The following ACLY variants were observed in gnomAD, a reference collection of about 807,000 sequenced individuals.
ACLY encodes ATP-citrate synthase.
In ACLY, 41 loss-of-function variants were observed where a neutral mutation model predicts 133.0. The ratio of observed to expected loss-of-function variants is 0.31; its 90% CI spans 0.24 to 0.40. The LOEUF (loss-of-function observed/expected upper bound fraction) is 0.40, where lower values mean the gene tolerates loss of function less well. Among genes scored for constraint, ACLY ranks in the 10% least tolerant of loss-of-function variants. The pLI, the probability that ACLY is intolerant of heterozygous loss-of-function variation, is 1.00. For synonymous variants in ACLY, 495 were observed against 549.3 expected (o/e 0.90, Z 1.38); for missense variants, 1,046 against 1,453.8 (o/e 0.72, Z 4.56).
At chr17:41,922,145 G>A (rs1041529487), upstream of ACLY, among the ~76,000 whole-genome samples, 14 of 152,140 alleles carry the variant, frequency 9.2e-5, no homozygotes, top group Non-Finnish European at 1.0e-4. Context: ...TGGGGAGGCC[G>A]AGGCGGGCGG....
intron 10 of ACLY, 77 bp downstream of exon 10, chr17:41,904,652 A>T: frequency 1.4e-6 from 2 of 1,419,154 alleles, no homozygotes; most frequent in Non-Finnish European, 2.0e-6. Flanking sequence ...TCTGGCTCAA[A>T]CTCTGCTTTC....
intron 25 of ACLY, among the ~76,000 whole-genome samples, chr17:41,869,995 C>T (rs1262412496): frequency 2.0e-5 from 3 of 152,154 alleles, no homozygotes; most frequent in Non-Finnish European, 4.4e-5. Context: ...AAGTTCAACA[C>T]TAAACAAACA....
intron 24 of ACLY, 43 bp downstream of exon 24, chr17:41,871,989 C>G: frequency 1.2e-6 from 2 of 1,609,614 alleles, no homozygotes; most frequent in Non-Finnish European, 1.7e-6. Flanking sequence ...GAGGCCAAGG[C>G]CCAGTGTCCC....
chr17:41,876,435 G>T (rs1171818598), intron 22 of ACLY, among the ~76,000 whole-genome samples: 1 of 152,226 alleles, frequency 6.6e-6, no homozygotes, highest in Non-Finnish European at 1.5e-5. Flanking sequence ...CATTGCGAGC[G>T]AGCCATGATG....
chr17:41,892,244 CCCCA>C, intron 16 of ACLY, 31 bp downstream of exon 16: 1 of 275,526 alleles, frequency 3.6e-6, no homozygotes, highest in Non-Finnish European at 6.1e-6. Context: ...AGTTCATGGT[CCCCA>C]CCCCCCACCC....
chr17:41,871,862 G>C (rs1199928103), intron 24 of ACLY, 30 bp from the exon 25 acceptor site: 1 of 1,611,598 alleles, frequency 6.2e-7, no homozygotes, highest in Non-Finnish European at 8.5e-7. Context: ...GTGTTGCCTT[G>C]AGCTTTAAGA....
rs1043695359 is a variant in ACLY at position 41,872,970 on chromosome 17, G to A, written c.2643-788C>T. On this transcript the variant is annotated intron_variant, in intron 23 of 28. Coordinates refer to ENST00000352035, the MANE Select transcript of ACLY (RefSeq NM_001096.3). ...CCAAGACCCATCTCTCTGCAGGTGAGGGCATGACACAACCAAAGACATTGA... is the reference window on the plus strand; with the variant it reads ...CCAAGACCCATCTCTCTGCAGGTGAAGGCATGACACAACCAAAGACATTGA... Among the ~76,000 whole-genome samples the A allele has an allele frequency of 8.5e-5, 13 of 152,282 alleles. No homozygotes were observed. The East Asian group carries it at 9.6e-4, about 11-fold the overall frequency.
At chr17:41,880,738 C>T (rs1055102751) in intron 20 of ACLY, among the ~76,000 whole-genome samples, 3 of 151,856 alleles carry the variant, frequency 2.0e-5, no homozygotes, top group African/African-American at 7.3e-5. Context: ...TGGTGGTGGG[C>T]GTCTGTAATC....
Position 41,893,162 on chromosome 17 carries a change from GTGGTGCTCTTTCC to G in ACLY, c.1460-1_1471del. The G allele has an allele frequency of 6.2e-7, 1 of 1,613,200 alleles. No homozygotes were observed. Among genetic ancestry groups the G allele is most frequent in the Non-Finnish European group, 8.5e-7 (1 of 1,179,464 alleles). On this transcript the variant is annotated splice_acceptor_variant and coding_sequence_variant, in exon 15 of 29. Coordinates refer to ENST00000352035, the MANE Select transcript of ACLY (RefSeq NM_001096.3). LOFTEE classifies it high-confidence loss of function. ...GGCCTTGGTGTGGCGGCTGAAGAGG[GTGGTGCTCTTTCC>G]TGGTGGGCAAAGACACAGAGAGTGC... is the stretch of plus-strand genomic sequence containing the variant.
intron 20 of ACLY, among the ~76,000 whole-genome samples, chr17:41,882,495 C>G (rs573393231): frequency 6.6e-6 from 1 of 150,910 alleles, no homozygotes; most frequent in Non-Finnish European, 1.5e-5. Flanking sequence ...ATCACGTGAG[C>G]CACCTTCAAG....
chr17:41,904,756 G>T lies in ACLY; in HGVS notation c.1038C>A (p.Asn346Lys). 1 of 1,614,124 alleles carries T rather than the reference G, an allele frequency of 6.2e-7. No homozygotes were observed. The highest frequency in any genetic ancestry group is 8.5e-7 in the Non-Finnish European group (1 of 1,179,970). Residue 346 changes from asparagine to lysine, a missense_variant, in exon 10 of 29, where the codon AAC becomes AAA. Physicochemically the swap from Asn to Lys is moderately conservative, Grantham distance 94. This residue lies in a region of ACLY where 575 missense variants were observed against 804.2 expected (regional missense o/e 0.71). Transcript: ENST00000352035. ...TGAACGTGGCAGCCACGTTGGTGAA[G>T]TTTGCGATGCTGCCTCCAATGATGA... The part of the protein sequence containing the change: ...KILIIGGSIA[N>K]FTNVAATFKG...
chr17:41,880,631 G>A (rs1451679330), intron 20 of ACLY, among the ~76,000 whole-genome samples: 3 of 152,164 alleles, frequency 2.0e-5, no homozygotes, highest in Admixed American at 6.5e-5. Context: ...TTGAGAGGCC[G>A]AGATGGGTGG....
intron 14 of ACLY, among the ~76,000 whole-genome samples, chr17:41,895,495 G>GCC (rs2049340882): frequency 6.6e-6 from 1 of 152,164 alleles, no homozygotes; most frequent in Non-Finnish European, 1.5e-5. Flanking sequence ...CAGGGGCTAT[G>GCC]CCCCCTACAC....
chr17:41,909,520 C>T lies in ACLY; in HGVS notation c.526G>A (p.Asp176Asn). 1.2e-6 allele frequency: 2 copies of T among 1,614,060 alleles called. No homozygotes were observed. Among genetic ancestry groups the T allele is most frequent in the South Asian group, 1.1e-5 (1 of 91,066 alleles). The change falls in exon 5 of 29, where the codon GAC (aspartate) becomes AAC (asparagine). Residue 176 changes from aspartate to asparagine, a missense_variant. By Grantham distance (23) the Asp-to-Asn change is conservative. Coordinates refer to ENST00000352035, the MANE Select transcript of ACLY (RefSeq NM_001096.3). ...KKHLLVHAPE[D>N]KKEILASFIS... is the part of the protein sequence containing the mutation. ...TCCCTCTCACTCAACTCTTTCTTGT[C>T]TTCAGGGGCGTGGACCAACAGGTGT...
At chr17:41,920,959 G>A (rs1219688199), upstream of ACLY, among the ~76,000 whole-genome samples, 1 of 152,044 alleles carries the variant, frequency 6.6e-6, no homozygotes, top group Non-Finnish European at 1.5e-5. Flanking sequence ...CTACTCAGGA[G>A]GCTGAGTCAG....
intron 3 of ACLY, among the ~76,000 whole-genome samples, chr17:41,910,896 C>T (rs2049884499): frequency 6.6e-6 from 1 of 152,170 alleles, no homozygotes; most frequent in South Asian, 2.1e-4. Context: ...GAGTCAGGGA[C>T]CAGACAGCAA....
At chr17:41,929,107 T>C (rs2050279257) in intron 1 of ACLY, among the ~76,000 whole-genome samples, 1 of 151,584 alleles carries the variant, frequency 6.6e-6, no homozygotes, top group African/African-American at 2.4e-5. Context: ...TTTTTTTTTT[T>C]TTTTTGAGAC....
At chr17:41,895,753 G>C (rs145133948) in intron 14 of ACLY, among the ~76,000 whole-genome samples, 4 of 152,246 alleles carry the variant, frequency 2.6e-5, no homozygotes, top group African/African-American at 9.6e-5. Context: ...AAGCCAGGTG[G>C]CCACAGTGCT....
intron 13 of ACLY, 33 bp from the exon 14 acceptor site, chr17:41,896,682 A>G: frequency 6.4e-7 from 1 of 1,553,520 alleles, no homozygotes. Context: ...CAACTGAGTG[A>G]CCCACTGATG....
Sources: gnomAD v4.1 joint callset for allele counts (sites outside exome capture counted in the v4.1 genomes callset) on GRCh38, gnomAD v4.1.1 for gene constraint, gnomAD v4.1.1 regional missense constraint, MANE v1.5 for transcripts, NCBI Gene and HGNC (gene_info 2026-07-23, HGNC 2026-07-21) for gene names.